Variants in SLC39A11 observed in about 807,000 individuals in gnomAD.
The protein encoded by SLC39A11 is solute carrier family 39 member 11.
SLC39A11 carries 33 observed loss-of-function variants against 36.1 expected under a neutral mutation model. The observed-to-expected ratio is 0.91, with a 90% confidence interval of 0.69 to 1.22. SLC39A11 has a LOEUF of 1.22. Ranked by LOEUF, SLC39A11 falls within the 50% of genes most tolerant of loss-of-function variation. SLC39A11 has a pLI of 0.00. For missense variants in SLC39A11, 432 were observed against 430.3 expected, an observed-to-expected ratio of 1.00 and a Z score of -0.03; for synonymous variants, 166 against 170.3, an observed-to-expected ratio of 0.97 and a Z score of 0.20.
intron 5 of SLC39A11, among the ~76,000 whole-genome samples, chr17:72,875,919 T>C (rs771459195): frequency 1.3e-5 from 2 of 152,158 alleles, no homozygotes; most frequent in Non-Finnish European, 2.9e-5. Flanking sequence ...CATGGCAACA[T>C]CCTGGAGCTA....
intron 4 of SLC39A11, among the ~76,000 whole-genome samples, chr17:73,019,732 T>C (rs963616155): frequency 6.6e-6 from 1 of 152,032 alleles, no homozygotes; most frequent in Non-Finnish European, 1.5e-5. Context: ...ATGGGATAAA[T>C]AGAAAATAAA....
At chr17:72,911,585 T>G (rs111441050) in intron 5 of SLC39A11, among the ~76,000 whole-genome samples, 1 of 152,124 alleles carries the variant, frequency 6.6e-6, no homozygotes, top group Non-Finnish European at 1.5e-5. Flanking sequence ...CCAGGCAATC[T>G]TCTGTCCTTC....
chr17:73,012,309 G>T (rs1439462656), intron 4 of SLC39A11, among the ~76,000 whole-genome samples: 2 of 151,890 alleles, frequency 1.3e-5, no homozygotes, highest in East Asian at 3.9e-4. Context: ...AATATAATTG[G>T]ATTATTTGTA....
At chr17:72,773,586 G>A (rs2076024762) in intron 6 of SLC39A11, among the ~76,000 whole-genome samples, 1 of 150,788 alleles carries the variant, frequency 6.6e-6, no homozygotes, top group Non-Finnish European at 1.5e-5. Context: ...GAATTACCCA[G>A]TCTCAGGTAT....
At chr17:72,995,301 G>A (rs1002724942) in intron 4 of SLC39A11, among the ~76,000 whole-genome samples, 2 of 152,162 alleles carry the variant, frequency 1.3e-5, no homozygotes, top group African/African-American at 4.8e-5. Context: ...ATTGTGAGCA[G>A]GTGTACTAAG....
At chr17:73,060,054 C>G (rs559690012) in intron 3 of SLC39A11, among the ~76,000 whole-genome samples, 9 of 151,732 alleles carry the variant, frequency 5.9e-5, no homozygotes, top group East Asian at 1.9e-4. Flanking sequence ...ACTAAAAATA[C>G]AAAAATCGGC....
intron 6 of SLC39A11, among the ~76,000 whole-genome samples, chr17:72,812,707 C>CT (rs2077469481): frequency 6.6e-6 from 1 of 152,160 alleles, no homozygotes. Flanking sequence ...TTACGGTGAA[C>CT]TTTAACATTC....
chr17:72,998,156 G>T (rs1299304511), intron 4 of SLC39A11, among the ~76,000 whole-genome samples: 1 of 152,184 alleles, frequency 6.6e-6, no homozygotes, highest in African/African-American at 2.4e-5. Flanking sequence ...ACGGCCCTCA[G>T]GTTCGATACT....
intron 3 of SLC39A11, among the ~76,000 whole-genome samples, chr17:73,059,237 A>G (rs546567236): frequency 1.6e-4 from 25 of 152,386 alleles, no homozygotes; most frequent in African/African-American, 6.0e-4. Context: ...GAGGAAGCAC[A>G]TATTTCTAGA....
intron 4 of SLC39A11, among the ~76,000 whole-genome samples, chr17:72,974,200 A>G (rs1289595191): frequency 1.3e-5 from 2 of 152,122 alleles, no homozygotes; most frequent in Non-Finnish European, 2.9e-5. Context: ...CCCAGGTTCA[A>G]CTGATTCTCA....
intron 3 of SLC39A11, among the ~76,000 whole-genome samples, chr17:73,068,453 A>C (rs992034561): frequency 6.6e-6 from 1 of 152,182 alleles, no homozygotes; most frequent in African/African-American, 2.4e-5. Context: ...GTTGCCATGG[A>C]GACCACCCCA....
At chr17:72,883,811 G>A (rs1170080784) in intron 5 of SLC39A11, among the ~76,000 whole-genome samples, 1 of 152,152 alleles carries the variant, frequency 6.6e-6, no homozygotes, top group Non-Finnish European at 1.5e-5. Flanking sequence ...TGTGAAAACT[G>A]AAGTTGGGCC....
intron 6 of SLC39A11, among the ~76,000 whole-genome samples, chr17:72,843,148 T>C (rs2078894635): frequency 6.6e-6 from 1 of 152,006 alleles, no homozygotes; most frequent in Non-Finnish European, 1.5e-5. Flanking sequence ...CGGGGTGTCA[T>C]CATGTTGGCC....
chr17:72,854,970 C>T (rs1232725614), intron 5 of SLC39A11, among the ~76,000 whole-genome samples: 1 of 152,178 alleles, frequency 6.6e-6, no homozygotes, highest in Non-Finnish European at 1.5e-5. Flanking sequence ...ACGGGTCTTG[C>T]GGGCACAAGC....
intron 5 of SLC39A11, among the ~76,000 whole-genome samples, chr17:72,868,890 C>G (rs2080459795): frequency 6.6e-6 from 1 of 152,070 alleles, no homozygotes; most frequent in African/African-American, 2.4e-5. Context: ...CACGGATAGA[C>G]AGAACTCTAA....
At chr17:72,748,660 T>C (rs2075038653) in intron 6 of SLC39A11, among the ~76,000 whole-genome samples, 1 of 152,156 alleles carries the variant, frequency 6.6e-6, no homozygotes, top group African/African-American at 2.4e-5. Context: ...AACACCCACA[T>C]CTCGGAGTCA....
At chr17:72,954,191 G>A (rs2086082020) in intron 4 of SLC39A11, among the ~76,000 whole-genome samples, 1 of 152,092 alleles carries the variant, frequency 6.6e-6, no homozygotes, top group South Asian at 2.1e-4. Flanking sequence ...GATTACAGGT[G>A]CCCGCCACCA....
intron 6 of SLC39A11, among the ~76,000 whole-genome samples, chr17:72,793,080 G>A (rs541004340): frequency 6.6e-6 from 1 of 152,162 alleles, no homozygotes; most frequent in African/African-American, 2.4e-5. Context: ...GCATCCTGGA[G>A]GCTCTGGTCA....
intron 6 of SLC39A11, among the ~76,000 whole-genome samples, chr17:72,770,579 A>G (rs1192411192): frequency 6.6e-6 from 1 of 152,144 alleles, no homozygotes; most frequent in Non-Finnish European, 1.5e-5. Context: ...GCAGTCTGCC[A>G]GCTCCTGCTC....
Sources: allele counts gnomAD v4.1 joint callset (sites outside exome capture counted in the v4.1 genomes callset), GRCh38; gene constraint gnomAD v4.1.1; transcripts MANE v1.5; gene names NCBI Gene and HGNC (gene_info 2026-07-23, HGNC 2026-07-21).